Variants in DROSHA observed in about 807,000 individuals in gnomAD.
The protein encoded by DROSHA is ribonuclease 3.
In DROSHA, 56 loss-of-function variants were observed where a neutral mutation model predicts 181.9. That is an observed-to-expected ratio of 0.31 (90% CI 0.25 to 0.38). The LOEUF (loss-of-function observed/expected upper bound fraction) is 0.38. Among genes scored for constraint, DROSHA ranks in the 10% least tolerant of loss-of-function variants. DROSHA has a pLI of 1.00. For missense variants in DROSHA, 1,218 were observed against 1,743.5 expected (o/e 0.70, Z 5.37); for synonymous variants, 524 against 591.2 (o/e 0.89, Z 1.65).
intron 13 of DROSHA, among the ~76,000 whole-genome samples, chr5:31,490,976 G>A (rs553653648): frequency 1.8e-4 from 27 of 152,124 alleles, no homozygotes; most frequent in African/African-American, 6.0e-4. Context: ...TAACGACTGT[G>A]ACTAATTTAG....
intron 23 of DROSHA, among the ~76,000 whole-genome samples, chr5:31,441,899 A>T (rs1244241428): frequency 6.6e-6 from 1 of 152,228 alleles, no homozygotes; most frequent in African/African-American, 2.4e-5. Flanking sequence ...AAAGCAAGAA[A>T]CTGGGGACAA....
rs1739013895 is a variant in DROSHA at position 31,514,168 on chromosome 5, G to A, written c.1290+820C>T. Among the ~76,000 whole-genome samples, 1 of 151,758 alleles carries A rather than the reference G, an allele frequency of 6.6e-6. No individual in the cohort carries two copies. The highest frequency in any genetic ancestry group is 6.6e-5 in the Admixed American group (1 of 15,226). ...ACTTCGTAGGGTTGGTGCTCTTTTGGTCAAGGATACACTTCGAAGAGACAA... is the reference window on the plus strand; with the variant it reads ...ACTTCGTAGGGTTGGTGCTCTTTTGATCAAGGATACACTTCGAAGAGACAA... On this transcript the variant is annotated intron_variant, in intron 8 of 35. Coordinates refer to ENST00000344624, the MANE Select transcript of DROSHA (RefSeq NM_001382508.1). This position sits in a 1 kb window ranked among gnomAD's most constrained non-coding sequence, Gnocchi z 4.4.
intron 23 of DROSHA, among the ~76,000 whole-genome samples, chr5:31,439,250 T>C (rs1478892070): frequency 1.3e-5 from 2 of 152,218 alleles, no homozygotes; most frequent in Non-Finnish European, 1.5e-5. Context: ...AAGTTTTAAA[T>C]TGCATGCTGT....
chr5:31,519,067 C>T (rs942722868), intron 6 of DROSHA, among the ~76,000 whole-genome samples: 2 of 152,122 alleles, frequency 1.3e-5, no homozygotes, highest in African/African-American at 4.8e-5. Flanking sequence ...TACCAATATG[C>T]CACAGTGCAA....
intron 10 of DROSHA, among the ~76,000 whole-genome samples, chr5:31,508,226 T>C (rs948968377): frequency 2.0e-5 from 3 of 152,232 alleles, no homozygotes; most frequent in Non-Finnish European, 4.4e-5. Context: ...AACTTGTGAC[T>C]GTTACCAACT....
At chr5:31,431,744 C>G in intron 25 of DROSHA, 66 bp from the exon 26 acceptor site, 2 of 1,492,828 alleles carry the variant, frequency 1.3e-6, no homozygotes, top group African/African-American at 2.8e-5. Flanking sequence ...AGTAACTCAG[C>G]ATCTCTTGCA....
intron 17 of DROSHA, among the ~76,000 whole-genome samples, chr5:31,468,339 G>A (rs1749338014): frequency 6.6e-6 from 1 of 152,112 alleles, no homozygotes; most frequent in Non-Finnish European, 1.5e-5. Flanking sequence ...CTTTTAAAAG[G>A]ACACCTAGTC....
intron 29 of DROSHA, chr5:31,421,642 A>C (rs1017684154): frequency 1.9e-5 from 7 of 363,036 alleles, no homozygotes; most frequent in Non-Finnish European, 3.5e-5. Flanking sequence ...CTGCCTGGTC[A>C]GAAGCTGAAG....
chr5:31,511,203 G>A (rs1738629162), intron 8 of DROSHA, 27 bp from the exon 9 acceptor site: 1 of 1,599,790 alleles, frequency 6.3e-7, no homozygotes, highest in African/African-American at 1.3e-5. Context: ...ATCAATATTA[G>A]GAACTATATC....
rs1381251962 is a variant in DROSHA at position 31,515,522 on chromosome 5, T to C, written c.990A>G (p.Thr330=). ...TAATAATCTCCCCAGGTAATTCTGG[T>C]GTGCATCCAGCAGGTTCAGGAACAA... is the stretch of plus-strand genomic sequence containing the variant. The part of the protein sequence containing the change: ...LSVVPEPAGC[T]PELPGEIIKN... The change falls in exon 7 of 36, where the codon ACA becomes ACG. Residue 330 remains threonine, a synonymous_variant. Transcript: ENST00000344624. 4.6e-6 allele frequency: 7 copies of C among 1,535,128 alleles called. No individual in the cohort carries two copies. Among genetic ancestry groups the C allele is most frequent in the Non-Finnish European group, 5.3e-6 (6 of 1,131,832 alleles).
At position 31,484,936 on chromosome 5, in the gene DROSHA, G is replaced by C; in HGVS notation, c.1941C>G (p.Leu647=). The C allele has an allele frequency of 1.3e-6, 2 of 1,546,958 alleles. No homozygotes were observed. Among genetic ancestry groups the C allele is most frequent in the Non-Finnish European group, 8.7e-7 (1 of 1,145,894 alleles). Residue 647 remains leucine (L), a synonymous_variant, in exon 15 of 36, where the codon CTC becomes CTG. Coordinates refer to ENST00000344624, the MANE Select transcript of DROSHA (RefSeq NM_001382508.1). The part of the protein sequence containing the change: ...PENFCVKGLE[L]FSLFLFRDIL... ...TATCTCTGAATAGGAACAGTGAAAA[G>C]AGTTCAAGCCCTTTCACACAAAAAT...
chr5:31,431,366 C>CAAAAAAAAAAAAAAAAAAAAAAAAAAA lies in DROSHA; in HGVS notation c.3145+209_3145+210insTTTTTTTTTTTTTTTTTTTTTTTTTTT, dbSNP rs58316191. On this transcript the variant is annotated intron_variant, in intron 26 of 35. Transcript: ENST00000344624. ...AGACACCAATTCAGGCAGTAGAATGCAAAAAAAAAAAAAAAAAAAAAAAGA... is the reference window on the plus strand; with the variant it reads ...AGACACCAATTCAGGCAGTAGAATGCAAAAAAAAAAAAAAAAAAAAAAAAAAAAAAAAAAAAAAAAAAAAAAAAAAGA... Among the ~76,000 whole-genome samples, 5 of 57,648 alleles carry CAAAAAAAAAAAAAAAAAAAAAAAAAAA rather than the reference C, an allele frequency of 8.7e-5. 1 individual carries two copies. Among genetic ancestry groups the CAAAAAAAAAAAAAAAAAAAAAAAAAAA allele is most frequent in the Non-Finnish European group, 1.3e-4 (4 of 31,526 alleles). 37.8% of individuals were successfully genotyped at this position (57,648 alleles called of 152,430 possible).
chr5:31,429,451 A>T (rs1462151321), intron 27 of DROSHA, 24 bp downstream of exon 27: 1 of 1,594,636 alleles, frequency 6.3e-7, no homozygotes, highest in East Asian at 2.2e-5. Context: ...TAACAAAAAA[A>T]ATCAAATGAT....
Position 31,445,640 on chromosome 5 carries a change from G to A in DROSHA, c.2882+2907C>T, listed in dbSNP as rs139132757. ...GGAGGCATCCCAGGAAAGCCAGGTT[G>A]GCTTATCACCCCAAATCAATTAGAA... On this transcript the variant is annotated intron_variant, in intron 23 of 35. Coordinates refer to ENST00000344624, the MANE Select transcript of DROSHA (RefSeq NM_001382508.1). Among the ~76,000 whole-genome samples the A allele has an allele frequency of 1.0e-2, 1,499 of 150,052 alleles. 9 individuals are homozygous for A. Among genetic ancestry groups the A allele is most frequent in the Admixed American group, 0.014 (213 of 14,780 alleles).
chr5:31,508,835 T>TG (rs1738313227), intron 9 of DROSHA, 60 bp from the exon 10 acceptor site: 37 of 1,536,604 alleles, frequency 2.4e-5, no homozygotes, highest in Non-Finnish European at 3.2e-5. Flanking sequence ...GGTTTTTTTT[T>TG]TTCCCTGAGT....
intron 4 of DROSHA, among the ~76,000 whole-genome samples, chr5:31,528,197 C>T (rs967830991): frequency 6.6e-6 from 1 of 152,152 alleles, no homozygotes; most frequent in African/African-American, 2.4e-5. Flanking sequence ...TGCTACTCAC[C>T]TGCACTGCTT....
rs771607570 is a variant in DROSHA, at chr5:31,464,325, G to T, written c.2485C>A (p.Arg829=). ...TCTCGTCTCATTGTATTCTTCTGCC[G>T]TATTTTTTGGAGGGCTTCCTAGAAA... ...AQREEALQKI[R]QKNTMRREVT... The change falls in exon 20 of 36, where the codon CGG becomes AGG. Residue 829 remains arginine, a synonymous_variant. Coordinates refer to ENST00000344624, the MANE Select transcript of DROSHA (RefSeq NM_001382508.1). The T allele has an allele frequency of 2.5e-6, 4 of 1,612,686 alleles. No individual in the cohort carries two copies. Among genetic ancestry groups the T allele is most frequent in the Non-Finnish European group, 2.5e-6 (3 of 1,179,410 alleles).
At chr5:31,476,107 G>A (rs1435122331) in intron 16 of DROSHA, among the ~76,000 whole-genome samples, 1 of 152,220 alleles carries the variant, frequency 6.6e-6, no homozygotes, top group Non-Finnish European at 1.5e-5. Flanking sequence ...GCTCACGCCT[G>A]TAATCCCAGC....
chr5:31,493,006 C>T (rs949837554), intron 13 of DROSHA, among the ~76,000 whole-genome samples: 2 of 152,164 alleles, frequency 1.3e-5, no homozygotes, highest in South Asian at 2.1e-4. Flanking sequence ...TAATGCAGAC[C>T]GAACCCGTGA....
Sources: allele counts gnomAD v4.1 joint callset (sites outside exome capture counted in the v4.1 genomes callset), GRCh38; gene constraint gnomAD v4.1.1; non-coding constraint Gnocchi (gnomAD v3.1); transcripts MANE v1.5; gene names NCBI Gene and HGNC (gene_info 2026-07-23, HGNC 2026-07-21).